Variants in ACAD11 observed in about 807,000 individuals in gnomAD.
ACAD11 encodes the protein acyl-Coenzyme A dehydrogenase family, member 11.
ACAD11 carries 83 observed loss-of-function variants against 102.2 expected under a neutral mutation model. The observed-to-expected ratio is 0.81, with a 90% confidence interval of 0.68 to 0.97. The LOEUF is 0.97. ACAD11 is among the 50% of genes least tolerant of loss of function. The pLI, the probability that ACAD11 is intolerant of heterozygous loss-of-function variation, is 0.00. For missense variants in ACAD11, 901 were observed against 951.7 expected (o/e 0.95, Z 0.70); for synonymous variants, 324 against 319.8 (o/e 1.01, Z -0.14).
intron 5 of ACAD11, among the ~76,000 whole-genome samples, chr3:132,638,525 A>G (rs535933603): frequency 6.6e-6 from 1 of 152,334 alleles, no homozygotes; most frequent in East Asian, 1.9e-4. Flanking sequence ...TCCCTTCAAC[A>G]TAGATTCATC....
At chr3:132,634,527 A>T (rs1282891427) in intron 5 of ACAD11, among the ~76,000 whole-genome samples, 5 of 151,960 alleles carry the variant, frequency 3.3e-5, no homozygotes, top group African/African-American at 1.2e-4. Context: ...AACTAGAAAT[A>T]CCATTTGACC....
At position 132,658,738 on chromosome 3, in the gene ACAD11, C is replaced by T. The variant is rs149253239; in HGVS notation, c.149+865G>A. Among the ~76,000 whole-genome samples, 523 of 152,252 alleles carry T rather than the reference C, an allele frequency of 3.4e-3. 3 individuals carry two copies. Among genetic ancestry groups the T allele is most frequent in the African/African-American group, 0.012 (496 of 41,528 alleles). On this transcript the variant is annotated intron_variant, in intron 1 of 19. Transcript: ENST00000264990. ...TCATTTATTATTATTTTCATTTTCA[C>T]CAAAATCAGTAGTCAAAGAATATAA...
intron 13 of ACAD11, among the ~76,000 whole-genome samples, chr3:132,586,752 T>TA (rs57050930): frequency 0.021 from 3,263 of 152,284 alleles, 56 homozygotes; most frequent in South Asian, 0.073. Context: ...AAATACAAGT[T>TA]AAAAAATGTA....
intron 4 of ACAD11, among the ~76,000 whole-genome samples, chr3:132,640,086 T>C (rs367667005): frequency 6.6e-6 from 1 of 151,696 alleles, no homozygotes; most frequent in Non-Finnish European, 1.5e-5. Context: ...AAAAAGGGAA[T>C]ATGGGGACTA....
Position 132,576,203 on chromosome 3 carries a change from A to G in ACAD11, c.1847-277T>C, listed in dbSNP as rs918717524. ...TTTATTAATGCTGCAATAGATACAA[A>G]GTTGGAATAACACATAGTCCCTGTA... On this transcript the variant is annotated intron_variant, in intron 16 of 19. Coordinates refer to ENST00000264990, the MANE Select transcript of ACAD11 (RefSeq NM_032169.5). 2.6e-5 allele frequency among the ~76,000 whole-genome samples: 4 copies of G among 152,244 alleles called. No homozygotes were observed. In the South Asian group the frequency reaches 8.3e-4, roughly 32 times the overall value.
intron 11 of ACAD11, among the ~76,000 whole-genome samples, chr3:132,607,819 A>G (rs1938915623): frequency 6.6e-6 from 1 of 152,118 alleles, no homozygotes; most frequent in African/African-American, 2.4e-5. Flanking sequence ...AAGACACATA[A>G]TCGTCAGATT....
At chr3:132,598,143 T>G (rs1216589821) in intron 13 of ACAD11, among the ~76,000 whole-genome samples, 1 of 152,158 alleles carries the variant, frequency 6.6e-6, no homozygotes, top group Non-Finnish European at 1.5e-5. Flanking sequence ...TAAGAATATT[T>G]GAGATACTTC....
chr3:132,603,876 G>A (rs1576581598), intron 12 of ACAD11, among the ~76,000 whole-genome samples: 1 of 152,314 alleles, frequency 6.6e-6, no homozygotes, highest in African/African-American at 2.4e-5. Flanking sequence ...CTTCAGAACT[G>A]TCTAGCTCTC....
rs368559381 is a variant in ACAD11 at position 132,583,147 on chromosome 3, C to G, written c.1622-3589G>C. Among the ~76,000 whole-genome samples the G allele has an allele frequency of 3.6e-4, 55 of 152,262 alleles. No individual in the cohort carries two copies. The East Asian group carries it at 4.6e-3, about 13-fold the overall frequency. On this transcript the variant is annotated intron_variant, in intron 13 of 19. Transcript: ENST00000264990. ...ATGGTACCAGCTCCTCCTTGTACCT[C>G]TGGTAGAATTCAGCTGTGAATCCAT...
At chr3:132,565,128 C>A (rs1559930294) in intron 17 of ACAD11, among the ~76,000 whole-genome samples, 1 of 152,178 alleles carries the variant, frequency 6.6e-6, no homozygotes, top group Non-Finnish European at 1.5e-5. Context: ...ACAGAAAAAA[C>A]ATTGGCCCCC....
At chr3:132,581,144 A>G (rs1004724681) in intron 13 of ACAD11, among the ~76,000 whole-genome samples, 1 of 152,008 alleles carries the variant, frequency 6.6e-6, no homozygotes, top group African/African-American at 2.4e-5. Flanking sequence ...TTCAGAGAGA[A>G]TAAAACAAGC....
At chr3:132,560,847 C>T (rs145390023) in intron 18 of ACAD11, among the ~76,000 whole-genome samples, 8 of 152,160 alleles carry the variant, frequency 5.3e-5, no homozygotes, top group South Asian at 2.1e-4. Context: ...TGTGTAAAGC[C>T]TATGATTTCC....
At chr3:132,570,813 T>C (rs903131951) in intron 17 of ACAD11, among the ~76,000 whole-genome samples, 4 of 152,152 alleles carry the variant, frequency 2.6e-5, no homozygotes, top group African/African-American at 9.7e-5. Flanking sequence ...CCTCCAGCTC[T>C]ATCCATGTTC....
chr3:132,573,054 AT>A (rs1023546185), intron 17 of ACAD11, among the ~76,000 whole-genome samples: 2 of 152,036 alleles, frequency 1.3e-5, no homozygotes, highest in Non-Finnish European at 2.9e-5. Flanking sequence ...TGCATTAGCT[AT>A]TTGTCCTAAT....
chr3:132,572,649 C>G (rs779811212), intron 17 of ACAD11, among the ~76,000 whole-genome samples: 1 of 152,202 alleles, frequency 6.6e-6, no homozygotes, highest in Non-Finnish European at 1.5e-5. Context: ...AACTATACTA[C>G]AAGGCTACAG....
intron 9 of ACAD11, among the ~76,000 whole-genome samples, chr3:132,622,432 C>T (rs901968395): frequency 4.6e-5 from 7 of 152,100 alleles, no homozygotes; most frequent in African/African-American, 1.7e-4. Flanking sequence ...TTCAATGCTA[C>T]TGTGTTTGAT....
At chr3:132,586,553 T>C (rs1248770916) in intron 13 of ACAD11, among the ~76,000 whole-genome samples, 3 of 152,018 alleles carry the variant, frequency 2.0e-5, no homozygotes, top group Non-Finnish European at 2.9e-5. Context: ...AGATACCAAA[T>C]ATGTTGGGCA....
chr3:132,588,184 G>A (rs942201909), intron 13 of ACAD11, among the ~76,000 whole-genome samples: 1 of 145,110 alleles, frequency 6.9e-6, no homozygotes, highest in African/African-American at 2.8e-5. Context: ...GAGAATTTCA[G>A]GCAGGCAGGT....
intron 4 of ACAD11, among the ~76,000 whole-genome samples, chr3:132,640,545 T>C (rs1940452977): frequency 6.6e-6 from 1 of 152,214 alleles, no homozygotes; most frequent in Non-Finnish European, 1.5e-5. Flanking sequence ...TATTGTTTAT[T>C]TGCTTTTTTA....
Sources: allele counts gnomAD v4.1 joint callset (sites outside exome capture counted in the v4.1 genomes callset), GRCh38; gene constraint gnomAD v4.1.1; transcripts MANE v1.5; gene names NCBI Gene and HGNC (gene_info 2026-07-23, HGNC 2026-07-21).